The following FAM168A variants were observed in gnomAD, a reference collection of about 807,000 sequenced individuals.
FAM168A encodes the protein protein FAM168A.
A neutral mutation model predicts 28.5 loss-of-function variants in FAM168A; 3 were observed. The observed-to-expected ratio is 0.11, with a 90% CI of 0.05 to 0.27. The LOEUF is 0.27. Ranked by LOEUF, FAM168A falls within the 10% of genes least tolerant of loss-of-function variation. The probability of loss-of-function intolerance (pLI) is 1.00; values close to 1 mark genes in which losing one functional copy is unlikely to be tolerated. For synonymous variants in FAM168A, 122 were observed against 124.2 expected (o/e 0.98, Z 0.12); for missense variants, 222 against 311.5 (o/e 0.71, Z 2.16).
At chr11:73,489,515 T>C (rs1169621815) in intron 1 of FAM168A, among the ~76,000 whole-genome samples, 2 of 151,398 alleles carry the variant, frequency 1.3e-5, no homozygotes, top group Non-Finnish European at 2.9e-5. Context: ...CCCCACTTTT[T>C]TTTTTTTTTT....
intron 1 of FAM168A, among the ~76,000 whole-genome samples, chr11:73,570,925 C>T (rs921416534): frequency 6.6e-5 from 10 of 152,224 alleles, no homozygotes; most frequent in African/African-American, 2.2e-4. Context: ...TATGTTCATA[C>T]TAGCAGACCA....
chr11:73,450,831 TCTC>T (rs1867414219), intron 2 of FAM168A, among the ~76,000 whole-genome samples: 1 of 152,186 alleles, frequency 6.6e-6, no homozygotes, highest in South Asian at 2.1e-4. Context: ...GAAGAGGAAT[TCTC>T]CTAGAAGTTC....
At chr11:73,426,984 T>A (rs1284352707) in intron 3 of FAM168A, among the ~76,000 whole-genome samples, 1 of 149,088 alleles carries the variant, frequency 6.7e-6, no homozygotes, top group Non-Finnish European at 1.5e-5. Context: ...TGTTTGGAAA[T>A]ATGTTTTATT....
chr11:73,412,513 A>AT (rs1188312466), intron 4 of FAM168A, among the ~76,000 whole-genome samples: 1 of 152,242 alleles, frequency 6.6e-6, no homozygotes, highest in Non-Finnish European at 1.5e-5. Flanking sequence ...AACTTGAAAC[A>AT]TGAGTCATTC....
At chr11:73,577,535 G>A (rs905576206) in intron 1 of FAM168A, among the ~76,000 whole-genome samples, 1 of 152,222 alleles carries the variant, frequency 6.6e-6, no homozygotes, top group South Asian at 2.1e-4. Context: ...CTGTGAGGCA[G>A]TCATGGGAGG....
chr11:73,477,987 A>G lies in FAM168A; in HGVS notation c.-18-9495T>C, dbSNP rs143343125. Among the ~76,000 whole-genome samples the G allele has an allele frequency of 6.9e-3, 1,048 of 151,718 alleles. 11 individuals are homozygous for G. The highest frequency in any genetic ancestry group is 0.022 in the African/African-American group (915 of 41,060). ...TAGATAGATAAAACAAGGTATAAAT[A>G]TTTTTCGTGTTAACTGGCTTAAAAG... On this transcript the variant is annotated intron_variant, in intron 1 of 7. Coordinates refer to ENST00000356467, the MANE Select transcript of FAM168A (RefSeq NM_015159.3).
intron 1 of FAM168A, among the ~76,000 whole-genome samples, chr11:73,545,417 T>C (rs917930676): frequency 2.6e-5 from 4 of 151,942 alleles, no homozygotes; most frequent in Non-Finnish European, 5.9e-5. Flanking sequence ...CTGAATAGGT[T>C]AGTGATTGCC....
chr11:73,582,520 C>T (rs2134736927), intron 1 of FAM168A, among the ~76,000 whole-genome samples: 1 of 152,210 alleles, frequency 6.6e-6, no homozygotes. Context: ...AATTGCCTGC[C>T]AGAAACTACT....
intron 1 of FAM168A, among the ~76,000 whole-genome samples, chr11:73,578,183 C>G (rs1307679276): frequency 6.6e-6 from 1 of 152,176 alleles, no homozygotes. Context: ...CACAGACGAT[C>G]AAACTACAGC....
chr11:73,435,460 T>A (rs1867070366), intron 2 of FAM168A, among the ~76,000 whole-genome samples: 1 of 152,254 alleles, frequency 6.6e-6, no homozygotes, highest in East Asian at 1.9e-4. Context: ...TATTTTTAAT[T>A]CACTTGAATT....
intron 1 of FAM168A, among the ~76,000 whole-genome samples, chr11:73,490,420 G>A (rs1485022069): frequency 5.3e-5 from 8 of 151,980 alleles, no homozygotes; most frequent in Admixed American, 5.2e-4. Context: ...CTCACGCAGT[G>A]GAAAAGCTAA....
At chr11:73,526,370 C>T (rs575373526) in intron 1 of FAM168A, among the ~76,000 whole-genome samples, 26 of 152,206 alleles carry the variant, frequency 1.7e-4, no homozygotes, top group African/African-American at 6.3e-4. Context: ...CAAGGTGTGA[C>T]GATGTTCCTA....
At chr11:73,421,380 G>A (rs545919641) in intron 3 of FAM168A, among the ~76,000 whole-genome samples, 12 of 152,194 alleles carry the variant, frequency 7.9e-5, no homozygotes, top group Non-Finnish European at 1.3e-4. Context: ...GCTATTGTAG[G>A]CTGACTCTGC....
At chr11:73,459,285 C>T (rs757375579) in intron 2 of FAM168A, among the ~76,000 whole-genome samples, 12 of 151,832 alleles carry the variant, frequency 7.9e-5, no homozygotes, top group East Asian at 1.9e-4. Flanking sequence ...TGAGGTCTCA[C>T]CCATCCTGGC....
chr11:73,475,227 C>T (rs1004110634), intron 1 of FAM168A, among the ~76,000 whole-genome samples: 1 of 152,084 alleles, frequency 6.6e-6, no homozygotes, highest in Non-Finnish European at 1.5e-5. Flanking sequence ...TTGCAAACTA[C>T]TACACTTTGC....
chr11:73,532,267 A>G (rs747408010), intron 1 of FAM168A, among the ~76,000 whole-genome samples: 1 of 152,122 alleles, frequency 6.6e-6, no homozygotes, highest in Non-Finnish European at 1.5e-5. Context: ...TTTCCAAACA[A>G]ACCATGAGAT....
chr11:73,484,516 A>ATCTATATCTATATC (rs1491171241), intron 1 of FAM168A, among the ~76,000 whole-genome samples: 2 of 141,866 alleles, frequency 1.4e-5, no homozygotes, highest in Non-Finnish European at 3.0e-5. Flanking sequence ...AGATATATAT[A>ATCTATATCTATATC]GATATATATA....
At chr11:73,482,181 CTTTTTTTTTTTT>C (rs55882143) in intron 1 of FAM168A, among the ~76,000 whole-genome samples, 9 of 77,556 alleles carry the variant, frequency 1.2e-4, no homozygotes, top group Admixed American at 4.1e-4. Flanking sequence ...ATCCAACAGC[CTTTTTTTTTTTT>C]TTTTTTTTTT....
chr11:73,465,187 T>C (rs1452408986), intron 2 of FAM168A, among the ~76,000 whole-genome samples: 1 of 150,218 alleles, frequency 6.7e-6, no homozygotes, highest in African/African-American at 2.5e-5. Flanking sequence ...CAAAGTTCCA[T>C]AGCTAATTAG....
Sources: gnomAD v4.1 joint callset for allele counts (sites outside exome capture counted in the v4.1 genomes callset) on GRCh38, gnomAD v4.1.1 for gene constraint, MANE v1.5 for transcripts, NCBI Gene and HGNC (gene_info 2026-07-23, HGNC 2026-07-21) for gene names.